RIC1: variants seen among roughly 807,000 people sequenced by gnomAD.
RIC1 encodes the protein guanine nucleotide exchange factor subunit RIC1.
A neutral mutation model predicts 169.0 loss-of-function variants in RIC1; 88 were observed. The ratio of observed to expected loss-of-function variants is 0.52; its 90% CI spans 0.44 to 0.62. The LOEUF (loss-of-function observed/expected upper bound fraction) is 0.62, where lower values mean the gene tolerates loss of function less well. Among genes scored for constraint, RIC1 ranks in the 20% least tolerant of loss-of-function variants. The probability of loss-of-function intolerance (pLI) is 0.00; values close to 1 mark genes in which losing one functional copy is unlikely to be tolerated. For synonymous variants in RIC1, 790 were observed against 601.5 expected (o/e 1.31, Z -4.59); for missense variants, 1,877 against 1,725.5 (o/e 1.09, Z -1.56).
chr9:5,653,988 A>T (rs1818948002), intron 1 of RIC1, among the ~76,000 whole-genome samples: 1 of 152,148 alleles, frequency 6.6e-6, no homozygotes, highest in South Asian at 2.1e-4. Context: ...ATAGTTTTTT[A>T]AAAATGCTTT....
In RIC1 at chr9:5,747,522, T is replaced by TAAA; in HGVS notation, c.1452+17_1452+18insAAA. 6.3e-7 allele frequency: 1 copy of TAAA among 1,585,788 alleles called. No homozygotes were observed. The highest frequency in any genetic ancestry group is 8.7e-7 in the Non-Finnish European group (1 of 1,154,240). ...GTTGTACAGGTAAATCTTTAGTTAC[T>TAAA]GATTACTAGAGACTTATTCTTTGAT... is the stretch of plus-strand genomic sequence containing the variant. On this transcript the variant is annotated intron_variant, in intron 12 of 25. Coordinates refer to ENST00000414202, the MANE Select transcript of RIC1 (RefSeq NM_020829.4).
chr9:5,772,460 A>G, intron 23 of RIC1, 104 bp from the exon 24 acceptor site: 1 of 901,854 alleles, frequency 1.1e-6, no homozygotes, highest in East Asian at 2.7e-5. Context: ...TTTAGTTTCA[A>G]GATCCTGAGA....
intron 23 of RIC1, 152 bp downstream of exon 23, chr9:5,770,430 G>A (rs1407822973): frequency 3.0e-5 from 19 of 642,658 alleles, no homozygotes; most frequent in Non-Finnish European, 4.3e-5. Flanking sequence ...GTAGAACAAG[G>A]CCAAACTGGC....
At chr9:5,732,189 G>C (rs1471295637) in intron 6 of RIC1, among the ~76,000 whole-genome samples, 199 bp from the exon 7 acceptor site, 4 of 152,172 alleles carry the variant, frequency 2.6e-5, no homozygotes, top group Non-Finnish European at 5.9e-5. Context: ...CAATTCATGA[G>C]AAGTTTGAGG....
Position 5,747,417 on chromosome 9 carries a change from G to A in RIC1, c.1364G>A (p.Ser455Asn). Residue 455 changes from serine (S) to asparagine (N), a missense_variant, in exon 12 of 26, where the codon AGT becomes AAT. Around this residue, in one of 3 missense-constraint regions of RIC1, gnomAD observed 1,104 missense variants for 992.0 expected, o/e 1.11. Coordinates refer to ENST00000414202, the MANE Select transcript of RIC1 (RefSeq NM_020829.4). ...SSSTHSEHKP[S>N]REKSPFADGG... is the part of the protein sequence containing the mutation. ...TCAACACACTCTGAGCATAAGCCCA[G>A]TCGAGAAAAGAGCCCATTTGCAGAT... is the stretch of plus-strand genomic sequence containing the variant. 6.2e-7 allele frequency: 1 copy of A among 1,614,086 alleles called. No homozygotes were observed. Among genetic ancestry groups the A allele is most frequent in the Non-Finnish European group, 8.5e-7 (1 of 1,179,952 alleles).
At chr9:5,653,751 C>T (rs1328581235) in intron 1 of RIC1, among the ~76,000 whole-genome samples, 1 of 152,036 alleles carries the variant, frequency 6.6e-6, no homozygotes, top group Non-Finnish European at 1.5e-5. Context: ...GTGCACACCA[C>T]TACGCCCGGC....
intron 23 of RIC1, 24 bp downstream of exon 23, chr9:5,770,302 C>G: frequency 6.3e-7 from 1 of 1,588,986 alleles, no homozygotes; most frequent in Non-Finnish European, 8.6e-7. Context: ...TAAATCCTAG[C>G]TCTTCAGTTC....
At chr9:5,659,566 C>A (rs753941505) in intron 2 of RIC1, among the ~76,000 whole-genome samples, 1 of 151,982 alleles carries the variant, frequency 6.6e-6, no homozygotes, top group Non-Finnish European at 1.5e-5. Context: ...TAAAAAATAC[C>A]ATTGGGAATT....
At chr9:5,698,498 C>T (rs910215776) in intron 3 of RIC1, among the ~76,000 whole-genome samples, 2 of 152,104 alleles carry the variant, frequency 1.3e-5, no homozygotes, top group Non-Finnish European at 2.9e-5. Context: ...CTTTTAGTTA[C>T]AAAAGTTAAT....
intron 2 of RIC1, among the ~76,000 whole-genome samples, chr9:5,685,476 C>G (rs200674869): frequency 1.3e-5 from 2 of 148,948 alleles, no homozygotes; most frequent in African/African-American, 4.9e-5. Context: ...ACGCCACATA[C>G]CTACAACTAT....
At chr9:5,668,399 G>T (rs1819905128) in intron 2 of RIC1, among the ~76,000 whole-genome samples, 2 of 152,174 alleles carry the variant, frequency 1.3e-5, no homozygotes, top group Non-Finnish European at 2.9e-5. Flanking sequence ...GTGTCTCAGT[G>T]TGGGTCTCTG....
At chr9:5,706,407 G>A (rs1009979609) in intron 3 of RIC1, among the ~76,000 whole-genome samples, 27 of 152,092 alleles carry the variant, frequency 1.8e-4, no homozygotes, top group African/African-American at 4.8e-4. Context: ...AGCTGAGATC[G>A]CACCACTGCA....
chr9:5,731,361 A>C (rs541361845), intron 6 of RIC1, among the ~76,000 whole-genome samples: 65 of 152,112 alleles, frequency 4.3e-4, no homozygotes, highest in Non-Finnish European at 7.9e-4. Context: ...TTTATTATTA[A>C]AATTAAAAGA....
chr9:5,660,969 G>A (rs1819417818), intron 2 of RIC1, among the ~76,000 whole-genome samples: 1 of 151,996 alleles, frequency 6.6e-6, no homozygotes, highest in Non-Finnish European at 1.5e-5. Flanking sequence ...TTCTTCCTGG[G>A]TTTTACATTT....
At chr9:5,709,545 G>C (rs1191950854) in intron 3 of RIC1, among the ~76,000 whole-genome samples, 1 of 152,164 alleles carries the variant, frequency 6.6e-6, no homozygotes, top group Non-Finnish European at 1.5e-5. Context: ...GAGAGGATGT[G>C]TATAGAACGT....
intron 2 of RIC1, among the ~76,000 whole-genome samples, chr9:5,664,191 C>T (rs957951766): frequency 4.6e-5 from 7 of 152,002 alleles, no homozygotes; most frequent in East Asian, 1.9e-4. Context: ...GGGCGGATAA[C>T]GAGGTCAAGA....
At chr9:5,641,309 T>C (rs1332238524) in intron 1 of RIC1, among the ~76,000 whole-genome samples, 2 of 152,074 alleles carry the variant, frequency 1.3e-5, no homozygotes, top group Non-Finnish European at 2.9e-5. Flanking sequence ...GCCAGGATGG[T>C]CTCGATCTCC....
chr9:5,731,062 C>A (rs4742118), intron 6 of RIC1, among the ~76,000 whole-genome samples: 44,778 of 151,942 alleles, frequency 0.29, 7,702 homozygotes, highest in East Asian at 0.59. Context: ...TACATCCTTC[C>A]CCTGTACTCC....
At chr9:5,681,270 A>G (rs1302461805) in intron 2 of RIC1, among the ~76,000 whole-genome samples, 2 of 151,682 alleles carry the variant, frequency 1.3e-5, no homozygotes, top group African/African-American at 2.4e-5. Context: ...TCAATTTTAG[A>G]TCTTTCCTGC....
Sources: allele counts gnomAD v4.1 joint callset (sites outside exome capture counted in the v4.1 genomes callset), GRCh38; gene constraint gnomAD v4.1.1; regional missense constraint gnomAD v4.1.1; transcripts MANE v1.5; gene names NCBI Gene and HGNC (gene_info 2026-07-23, HGNC 2026-07-21).